Variants in UGT1A8 observed in about 807,000 individuals in gnomAD.
The protein encoded by UGT1A8 is UDP-glucuronosyltransferase 1A8.
Under a neutral mutation model 45.3 loss-of-function variants are expected in UGT1A8, and 39 were observed. The observed-to-expected ratio is 0.86, with a 90% CI of 0.67 to 1.12. The LOEUF (loss-of-function observed/expected upper bound fraction) is 1.12, where lower values mean the gene tolerates loss of function less well. Among genes scored for constraint, UGT1A8 ranks in the 50% most tolerant of loss-of-function variants. The pLI, the probability that UGT1A8 is intolerant of heterozygous loss-of-function variation, is 0.00. For missense variants in UGT1A8, 719 were observed against 664.9 expected, an observed-to-expected ratio of 1.08 and a Z score of -0.90; for synonymous variants, 275 against 249.2, an observed-to-expected ratio of 1.10 and a Z score of -0.97.
intron 1 of UGT1A8, chr2:233,730,057 T>C: frequency 1.9e-6 from 3 of 1,611,758 alleles, no homozygotes; most frequent in South Asian, 1.1e-5. Context: ...AAAATGTATT[T>C]ATTTAAAATT....
At chr2:233,690,557 C>T (rs990506921) in intron 1 of UGT1A8, 2 of 1,289,654 alleles carry the variant, frequency 1.6e-6, no homozygotes, top group Non-Finnish European at 2.0e-6. Context: ...ATGTCCCAAG[C>T]CTGAGTCATT....
intron 1 of UGT1A8, among the ~76,000 whole-genome samples, chr2:233,640,744 G>GC (rs1358282427): frequency 6.6e-6 from 1 of 152,112 alleles, no homozygotes; most frequent in African/African-American, 2.4e-5. Context: ...CTCCTGATAG[G>GC]CCAACAATCT....
chr2:233,765,700 A>T (rs963177783), intron 1 of UGT1A8, among the ~76,000 whole-genome samples: 1 of 146,346 alleles, frequency 6.8e-6, no homozygotes, highest in African/African-American at 2.7e-5. Flanking sequence ...AGTAAATAAT[A>T]ATAATAATAA....
In UGT1A8 at chr2:233,617,932, G is replaced by C. The variant is rs144723761; in HGVS notation, c.225G>C (p.Lys75Asn). ...QLGKSLNCTV[K>N]TYSTSYTLED... ...GAAAATCACTGAATTGCACAGTGAA[G>C]ACTTACTCAACCTCATACACTCTGG... Residue 75 changes from lysine (K) to asparagine (N), a missense_variant, in exon 1 of 5, where the codon AAG becomes AAC. Physicochemically the swap from Lys to Asn is moderately conservative, Grantham distance 94. Transcript: ENST00000373450. 9.3e-6 allele frequency: 15 copies of C among 1,614,076 alleles called. No homozygotes were observed. Among genetic ancestry groups the C allele is most frequent in the Non-Finnish European group, 1.3e-5 (15 of 1,180,042 alleles).
At chr2:233,622,536 G>A (rs1254925480) in intron 1 of UGT1A8, among the ~76,000 whole-genome samples, 2 of 152,178 alleles carry the variant, frequency 1.3e-5, no homozygotes, top group African/African-American at 2.4e-5. Flanking sequence ...CTTCTTTTGA[G>A]AAGTGCCTGT....
At chr2:233,635,754 G>A (rs562060125) in intron 1 of UGT1A8, among the ~76,000 whole-genome samples, 3 of 151,088 alleles carry the variant, frequency 2.0e-5, no homozygotes, top group South Asian at 4.2e-4. Context: ...GGTCACTGGA[G>A]TGATGGTGTG....
intron 1 of UGT1A8, among the ~76,000 whole-genome samples, chr2:233,675,616 A>G (rs2125508063): frequency 1.3e-5 from 2 of 152,244 alleles, no homozygotes; most frequent in South Asian, 4.1e-4. Context: ...CACTAAAATT[A>G]TTTACTTCAA....
chr2:233,650,038 T>C (rs1019769923), intron 1 of UGT1A8, among the ~76,000 whole-genome samples: 2 of 152,228 alleles, frequency 1.3e-5, no homozygotes, highest in African/African-American at 4.8e-5. Context: ...TGGTGCGATC[T>C]TGGCTCACCA....
At chr2:233,717,172 G>A (rs557885764) in intron 1 of UGT1A8, among the ~76,000 whole-genome samples, 1 of 152,170 alleles carries the variant, frequency 6.6e-6, no homozygotes, top group Non-Finnish European at 1.5e-5. Context: ...CTTGAATGTG[G>A]CAAGAGCACC....
intron 1 of UGT1A8, among the ~76,000 whole-genome samples, chr2:233,643,789 T>G (rs1000715513): frequency 1.3e-5 from 2 of 152,094 alleles, no homozygotes; most frequent in African/African-American, 4.8e-5. Flanking sequence ...ACTGGGCCCT[T>G]TCTTTTAAGG....
At chr2:233,620,965 T>C (rs1276109605) in intron 1 of UGT1A8, among the ~76,000 whole-genome samples, 1 of 152,160 alleles carries the variant, frequency 6.6e-6, no homozygotes, top group Non-Finnish European at 1.5e-5. Flanking sequence ...TGTTTGCACA[T>C]GTATGTGTTT....
At chr2:233,758,396 C>T (rs560244610) in intron 1 of UGT1A8, among the ~76,000 whole-genome samples, 1 of 152,294 alleles carries the variant, frequency 6.6e-6, no homozygotes, top group South Asian at 2.1e-4. Flanking sequence ...GTGTTTATAG[C>T]CCCTTTACTG....
intron 1 of UGT1A8, among the ~76,000 whole-genome samples, chr2:233,699,342 G>A (rs1260601774): frequency 6.6e-6 from 1 of 152,020 alleles, no homozygotes; most frequent in Non-Finnish European, 1.5e-5. Context: ...TCCACCCTAG[G>A]GCTAACCTCT....
intron 1 of UGT1A8, among the ~76,000 whole-genome samples, chr2:233,725,051 G>A: frequency 6.8e-6 from 1 of 147,840 alleles, no homozygotes; most frequent in East Asian, 2.1e-4. Flanking sequence ...GTCAGGCGTG[G>A]CGGCGCGCGC....
chr2:233,631,844 C>G (rs1448547498), intron 1 of UGT1A8, among the ~76,000 whole-genome samples: 6 of 152,120 alleles, frequency 3.9e-5, no homozygotes, highest in Non-Finnish European at 7.4e-5. Flanking sequence ...TTAATTAGAT[C>G]CCATTTCTCA....
At chr2:233,691,507 C>T in intron 1 of UGT1A8, 2 of 985,720 alleles carry the variant, frequency 2.0e-6, no homozygotes, top group Non-Finnish European at 2.4e-6. Flanking sequence ...AACTCGCGTG[C>T]CAGCCAGGTG....
chr2:233,697,019 A>G (rs2075370306), intron 1 of UGT1A8, among the ~76,000 whole-genome samples: 2 of 151,960 alleles, frequency 1.3e-5, no homozygotes, highest in South Asian at 4.1e-4. Flanking sequence ...TTCGTCAGAG[A>G]TATGGGCCCG....
intron 1 of UGT1A8, among the ~76,000 whole-genome samples, chr2:233,634,192 G>A (rs1159255045): frequency 2.6e-5 from 4 of 152,148 alleles, no homozygotes; most frequent in Non-Finnish European, 4.4e-5. Context: ...TATGATTTCT[G>A]TTCTTTTGCA....
intron 1 of UGT1A8, chr2:233,691,620 GCAGTGTGGTTAGCAGGCAGGGC>G: frequency 1.0e-6 from 1 of 985,672 alleles, no homozygotes; most frequent in Non-Finnish European, 1.2e-6. Context: ...ACCGCCCTCA[GCAGTGTGGTTAGCAGGCAGGGC>G]CAGTGTGACC....
Sources: gnomAD v4.1 joint callset for allele counts (sites outside exome capture counted in the v4.1 genomes callset) on GRCh38, gnomAD v4.1.1 for gene constraint, MANE v1.5 for transcripts, NCBI Gene and HGNC (gene_info 2026-07-23, HGNC 2026-07-21) for gene names.